Variants in SYN3 observed in about 807,000 individuals in gnomAD.
The protein encoded by SYN3 is synapsin III.
SYN3 carries 35 observed loss-of-function variants against 65.8 expected under a neutral mutation model. The ratio of observed to expected loss-of-function variants is 0.53; its 90% confidence interval spans 0.41 to 0.70. The LOEUF (loss-of-function observed/expected upper bound fraction) is 0.70, where lower values mean the gene tolerates loss of function less well. SYN3 is among the 30% of genes least tolerant of loss of function. The pLI, the probability that SYN3 is intolerant of heterozygous loss-of-function variation, is 0.00. For missense variants in SYN3, 680 were observed against 749.0 expected (o/e 0.91, Z 1.08); for synonymous variants, 270 against 292.9 (o/e 0.92, Z 0.80).
rs139148092 is a variant in SYN3, at chr22:32,728,682, G to A, written c.712-131946C>T. Among the ~76,000 whole-genome samples, 308 of 152,352 alleles carry A rather than the reference G, an allele frequency of 2.0e-3. 1 individual carries two copies. Among genetic ancestry groups the A allele is most frequent in the African/African-American group, 7.3e-3 (302 of 41,582 alleles). On this transcript the variant is annotated intron_variant, in intron 6 of 13. Transcript: ENST00000358763. ...ACACAGATGGGTGTGTTAACAGGAT[G>A]TGTTACTGAGTTGGTTACCCTTGAG...
chr22:32,978,326 G>A lies in SYN3; in HGVS notation c.369+2319C>T, dbSNP rs552335508. Among the ~76,000 whole-genome samples the A allele has an allele frequency of 3.3e-5, 5 of 152,214 alleles. No individual in the cohort carries two copies. In the South Asian group the frequency reaches 6.2e-4, roughly 19 times the overall value. ...GTGGTACAGGGAGAGGGGCACATCC[G>A]GGAGCCAGAGCAGGTTTCTGGCTAA... On this transcript the variant is annotated intron_variant, in intron 3 of 13. Coordinates refer to ENST00000358763, the MANE Select transcript of SYN3 (RefSeq NM_003490.4).
intron 2 of SYN3, among the ~76,000 whole-genome samples, chr22:32,983,703 A>T (rs1428552283): frequency 2.6e-5 from 4 of 152,192 alleles, no homozygotes; most frequent in Non-Finnish European, 5.9e-5. Context: ...CAGTTTGTGA[A>T]TTTTATCGTA....
chr22:32,896,072 G>C (rs2049585388), intron 4 of SYN3, among the ~76,000 whole-genome samples: 2 of 152,184 alleles, frequency 1.3e-5, no homozygotes, highest in East Asian at 3.8e-4. Context: ...TGGGAGTTTA[G>C]AGTCTAGCTT....
intron 6 of SYN3, among the ~76,000 whole-genome samples, chr22:32,637,677 G>A (rs112214219): frequency 7.6e-5 from 9 of 119,116 alleles, no homozygotes; most frequent in Admixed American, 2.4e-4. Flanking sequence ...TCATTCTGTC[G>A]CCCAGACTGG....
chr22:32,526,104 G>GT (rs2057972499), intron 12 of SYN3, among the ~76,000 whole-genome samples: 1 of 152,182 alleles, frequency 6.6e-6, no homozygotes, highest in East Asian at 1.9e-4. Flanking sequence ...TATGTACTTT[G>GT]TTTTTTTCAG....
Position 32,804,819 on chromosome 22 carries a change from T to G in SYN3, c.711+60096A>C, listed in dbSNP as rs2046682767. Among the ~76,000 whole-genome samples, 3 of 152,172 alleles carry G rather than the reference T, an allele frequency of 2.0e-5. No individual in the cohort carries two copies. The South Asian group carries it at 6.2e-4, about 32-fold the overall frequency. On this transcript the variant is annotated intron_variant, in intron 6 of 13. Transcript: ENST00000358763. ...ACACTGTGGGGGAAAGAAAGGGACT[T>G]GGCAGCAGGCAGGATGTCTGTGGTC...
intron 6 of SYN3, among the ~76,000 whole-genome samples, chr22:32,696,830 T>A (rs2060743227): frequency 6.6e-6 from 1 of 152,206 alleles, no homozygotes; most frequent in Admixed American, 6.5e-5. Context: ...CTGTTTCCCC[T>A]TCTTATCATG....
chr22:32,777,141 ATGACTCCTTCATTCCACAG>A (rs2045926770), intron 6 of SYN3, among the ~76,000 whole-genome samples: 1 of 152,166 alleles, frequency 6.6e-6, no homozygotes, highest in Non-Finnish European at 1.5e-5. Flanking sequence ...TTTAGCTGTA[ATGACTCCTTCATTCCACAG>A]AGAAGGAGAC....
chr22:32,581,116 T>C (rs1183423257), intron 7 of SYN3, among the ~76,000 whole-genome samples: 8 of 152,180 alleles, frequency 5.3e-5, no homozygotes, highest in Admixed American at 2.6e-4. Context: ...CCCTGTTTTG[T>C]TTTTATTTTT....
intron 11 of SYN3, 89 bp from the exon 12 acceptor site, chr22:32,528,094 T>G (rs2058010713): frequency 4.6e-5 from 48 of 1,039,664 alleles, no homozygotes; most frequent in Non-Finnish European, 6.6e-5. Context: ...GATCTTTTTA[T>G]CATTGAGAAG....
Position 32,857,296 on chromosome 22 carries a change from G to A in SYN3, c.711+7619C>T, listed in dbSNP as rs200951946. The stretch of plus-strand genomic sequence containing the variant: ...TGCCCCATGTGCAGTACATCCATAC[G>A]GAAGCTTCCGAGAGTCTCTGTGGCC... On this transcript the variant is annotated intron_variant, in intron 6 of 13. Transcript: ENST00000358763. The A allele has an allele frequency of 4.0e-5, 64 of 1,614,040 alleles. No homozygotes were observed. The highest frequency in any genetic ancestry group is 3.3e-4 in the Middle Eastern group (2 of 6,060).
At chr22:32,977,741 C>CAA (rs35038035) in intron 3 of SYN3, among the ~76,000 whole-genome samples, 157 of 89,790 alleles carry the variant, frequency 1.7e-3, no homozygotes, top group African/African-American at 4.8e-3. Context: ...AGACTGTCTC[C>CAA]AAAAAAAAAA....
intron 6 of SYN3, chr22:32,802,118 C>A: frequency 6.3e-7 from 1 of 1,582,106 alleles, no homozygotes; most frequent in African/African-American, 1.3e-5. Flanking sequence ...GCAACTCCGA[C>A]ATCGGTAAGC....
intron 4 of SYN3, among the ~76,000 whole-genome samples, chr22:32,890,317 C>T (rs1203543735): frequency 6.6e-6 from 1 of 152,018 alleles, no homozygotes; most frequent in Non-Finnish European, 1.5e-5. Context: ...TCAAGCAGTC[C>T]TCCCACCATA....
intron 4 of SYN3, among the ~76,000 whole-genome samples, chr22:32,892,742 G>A (rs1455741770): frequency 6.6e-6 from 1 of 152,144 alleles, no homozygotes; most frequent in Non-Finnish European, 1.5e-5. Flanking sequence ...TCTGCTGTAG[G>A]TCTTAGCAAG....
In SYN3 at chr22:32,586,049, T is replaced by C. The variant is rs148477869; in HGVS notation, c.774+10625A>G. Among the ~76,000 whole-genome samples, 354 of 143,316 alleles carry C rather than the reference T, an allele frequency of 2.5e-3. 7 individuals are homozygous for C. In the East Asian group the frequency reaches 0.053, roughly 21 times the overall value. The allele number at this position is 143,316 out of a possible 152,430, so 94.0% of individuals were successfully genotyped here. A position where few individuals can be genotyped will look rare whatever the true frequency, so the allele number is the denominator to read the frequency against. On this transcript the variant is annotated intron_variant, in intron 7 of 13. Transcript: ENST00000358763. ...ATGTATGTATATATGTATATGTATATATGTGTATATGTATATATGTATACA... is the reference window on the plus strand; with the variant it reads ...ATGTATGTATATATGTATATGTATACATGTGTATATGTATATATGTATACA...
intron 3 of SYN3, among the ~76,000 whole-genome samples, chr22:32,936,544 A>T (rs2050781646): frequency 6.6e-6 from 1 of 152,220 alleles, no homozygotes; most frequent in Non-Finnish European, 1.5e-5. Flanking sequence ...AGGGAGATCT[A>T]TGTCTTTCGC....
intron 3 of SYN3, among the ~76,000 whole-genome samples, chr22:32,960,387 T>C (rs1405186558): frequency 1.3e-5 from 2 of 152,124 alleles, no homozygotes; most frequent in African/African-American, 4.8e-5. Context: ...ATCCTAAACC[T>C]GTTTCCCCTG....
chr22:32,716,613 C>G (rs974968067), intron 6 of SYN3, among the ~76,000 whole-genome samples: 3 of 152,076 alleles, frequency 2.0e-5, no homozygotes, highest in Admixed American at 6.6e-5. Context: ...TCATTGCAAC[C>G]TCTGCCTCCC....
Sources: allele counts gnomAD v4.1 joint callset (sites outside exome capture counted in the v4.1 genomes callset), GRCh38; gene constraint gnomAD v4.1.1; transcripts MANE v1.5; gene names NCBI Gene and HGNC (gene_info 2026-07-23, HGNC 2026-07-21).